The following NAV2 variants were observed in gnomAD, a reference collection of about 807,000 sequenced individuals.
The protein encoded by NAV2 is helicase, APC down-regulated 1.
A neutral mutation model predicts 223.2 loss-of-function variants in NAV2; 54 were observed. That is an observed-to-expected ratio of 0.24 (90% confidence interval 0.19 to 0.30). The LOEUF (loss-of-function observed/expected upper bound fraction) is 0.30, where lower values mean the gene tolerates loss of function less well. NAV2 is among the 10% of genes least tolerant of loss of function. The pLI, the probability that NAV2 is intolerant of heterozygous loss-of-function variation, is 1.00. For synonymous variants in NAV2, 1,279 were observed against 1,239.3 expected, an observed-to-expected ratio of 1.03 and a Z score of -0.67; for missense variants, 2,806 against 3,147.5, an observed-to-expected ratio of 0.89 and a Z score of 2.60.
intron 6 of NAV2, among the ~76,000 whole-genome samples, chr11:19,894,800 G>A (rs1455844519): frequency 6.6e-6 from 1 of 152,170 alleles, no homozygotes; most frequent in Non-Finnish European, 1.5e-5. Flanking sequence ...GTGTGATCTT[G>A]GCTCACTACA....
chr11:19,784,503 T>G (rs1489919622), intron 1 of NAV2, among the ~76,000 whole-genome samples: 1 of 150,882 alleles, frequency 6.6e-6, no homozygotes, highest in African/African-American at 2.4e-5. Context: ...TTAGGTATTA[T>G]ACCAGGTGAC....
chr11:19,791,012 T>G (rs1023890827), intron 1 of NAV2, among the ~76,000 whole-genome samples: 2 of 152,146 alleles, frequency 1.3e-5, no homozygotes, highest in Non-Finnish European at 2.9e-5. Context: ...CCCTGTGATG[T>G]AAGTACTATT....
At chr11:19,619,225 G>T (rs187366046) in intron 1 of NAV2, among the ~76,000 whole-genome samples, 2 of 150,010 alleles carry the variant, frequency 1.3e-5, no homozygotes, top group South Asian at 2.2e-4. Flanking sequence ...ACATACGTGT[G>T]CATGTGTCTG....
rs556601808 is a variant in NAV2, at chr11:20,091,091, G to A, written c.5652+73G>A. The A allele has an allele frequency of 2.2e-5, 34 of 1,526,058 alleles. No individual in the cohort carries two copies. In the East Asian group the frequency reaches 7.3e-4, roughly 33 times the overall value. 94.5% of individuals were successfully genotyped at this position (1,526,058 alleles called of 1,614,324 possible). On this transcript the variant is annotated intron_variant, in intron 27 of 37. Transcript: ENST00000349880. ...GCTCCCAGAGGCTGCTCTCCACTAA[G>A]CCCTGAGGGCTGCATCAGAATCTGG...
intron 1 of NAV2, among the ~76,000 whole-genome samples, chr11:19,362,323 A>C (rs1853999356): frequency 6.6e-6 from 1 of 152,126 alleles, no homozygotes; most frequent in Non-Finnish European, 1.5e-5. Context: ...CCACTGATCT[A>C]ATTTCTACCA....
At position 19,892,560 on chromosome 11, in the gene NAV2, C is replaced by T; in HGVS notation, c.897C>T (p.Thr299=). The T allele has an allele frequency of 1.2e-6, 2 of 1,614,046 alleles. No homozygotes were observed. The highest frequency in any genetic ancestry group is 1.7e-6 in the Non-Finnish European group (2 of 1,179,980). Residue 299 remains threonine (T), a synonymous_variant, in exon 6 of 38, where the codon ACC becomes ACT. Coordinates refer to ENST00000349880, the MANE Select transcript of NAV2 (RefSeq NM_145117.5). ...FNNYDKSKPV[T]SPPPPPSSHE... ...ACTATGATAAATCCAAACCAGTCAC[C>T]TCCCCACCCCCACCGCCAAGCAGCC...
intron 10 of NAV2, among the ~76,000 whole-genome samples, chr11:19,957,414 G>A (rs1413453250): frequency 6.6e-6 from 1 of 152,192 alleles, no homozygotes; most frequent in African/African-American, 2.4e-5. Flanking sequence ...GCAGAGTCAT[G>A]CAGAGGGCAA....
intron 1 of NAV2, among the ~76,000 whole-genome samples, chr11:19,787,185 C>T (rs559886263): frequency 3.3e-5 from 5 of 151,050 alleles, no homozygotes; most frequent in Non-Finnish European, 7.4e-5. Flanking sequence ...CAAACTCCTG[C>T]GCTCAGGGGA....
At chr11:19,700,579 T>C (rs1225152716) in intron 1 of NAV2, among the ~76,000 whole-genome samples, 1 of 152,186 alleles carries the variant, frequency 6.6e-6, no homozygotes, top group Non-Finnish European at 1.5e-5. Flanking sequence ...TATCTCTTAC[T>C]CTACACAGAG....
At chr11:19,751,431 C>T (rs1005450552) in intron 1 of NAV2, among the ~76,000 whole-genome samples, 83 of 152,248 alleles carry the variant, frequency 5.5e-4, no homozygotes, top group African/African-American at 1.8e-3. Context: ...CTATAGAGAC[C>T]GTACCCCGCC....
intron 1 of NAV2, among the ~76,000 whole-genome samples, chr11:19,805,509 C>T (rs1336015806): frequency 2.6e-5 from 4 of 152,164 alleles, no homozygotes; most frequent in Admixed American, 6.5e-5. Flanking sequence ...ATGGTATTTG[C>T]AGCTGTCCTC....
chr11:19,762,611 C>CTTTTTTT (rs35264238), intron 1 of NAV2, among the ~76,000 whole-genome samples: 1 of 109,540 alleles, frequency 9.1e-6, no homozygotes, highest in Non-Finnish European at 1.8e-5. Context: ...GAGAAGTCTT[C>CTTTTTTT]TTTTTTTTTT....
At chr11:19,760,508 A>G (rs1193137158) in intron 1 of NAV2, among the ~76,000 whole-genome samples, 1 of 152,194 alleles carries the variant, frequency 6.6e-6, no homozygotes, top group East Asian at 1.9e-4. Flanking sequence ...AAGCTCTGAG[A>G]AGAGACCATT....
chr11:19,636,386 G>T (rs147688180), intron 1 of NAV2, among the ~76,000 whole-genome samples: 160 of 152,260 alleles, frequency 1.1e-3, no homozygotes, highest in African/African-American at 3.8e-3. Context: ...TCATCACTCT[G>T]GAAGGGACCC....
intron 10 of NAV2, among the ~76,000 whole-genome samples, chr11:19,960,911 C>T (rs1318182210): frequency 1.3e-5 from 2 of 150,628 alleles, no homozygotes; most frequent in African/African-American, 5.0e-5. Flanking sequence ...CTATGTCCAG[C>T]CCAGGGCCAC....
intron 1 of NAV2, among the ~76,000 whole-genome samples, chr11:19,810,318 C>T (rs1018831799): frequency 6.6e-5 from 10 of 150,774 alleles, no homozygotes; most frequent in Non-Finnish European, 1.3e-4. Context: ...TGGCACTATA[C>T]TGTGCTCCAG....
At chr11:19,582,469 G>A (rs1327529828) in intron 1 of NAV2, among the ~76,000 whole-genome samples, 1 of 152,138 alleles carries the variant, frequency 6.6e-6, no homozygotes, top group African/African-American at 2.4e-5. Context: ...GTATTGCCTA[G>A]GTTTTCTTCT....
intron 1 of NAV2, among the ~76,000 whole-genome samples, chr11:19,392,106 T>A (rs1849271614): frequency 6.6e-6 from 1 of 152,194 alleles, no homozygotes; most frequent in East Asian, 1.9e-4. Flanking sequence ...CCTTTTACTT[T>A]GATGATGGAG....
intron 1 of NAV2, among the ~76,000 whole-genome samples, chr11:19,625,702 C>G (rs1295851690): frequency 6.6e-6 from 1 of 152,142 alleles, no homozygotes; most frequent in East Asian, 1.9e-4. Context: ...GTATCTTTGC[C>G]AACATTTGTT....
Sources: gnomAD v4.1 joint callset for allele counts (sites outside exome capture counted in the v4.1 genomes callset) on GRCh38, gnomAD v4.1.1 for gene constraint, MANE v1.5 for transcripts, NCBI Gene and HGNC (gene_info 2026-07-23, HGNC 2026-07-21) for gene names.